The following ADARB2 variants were observed in gnomAD, a reference collection of about 807,000 sequenced individuals.
ADARB2 encodes adenosine deaminase RNA specific B2 (inactive), also known as inactive double-stranded RNA-specific editase B2.
Under a neutral mutation model 62.2 loss-of-function variants are expected in ADARB2, and 25 were observed. The observed-to-expected ratio is 0.40, with a 90% CI of 0.29 to 0.56. The LOEUF (loss-of-function observed/expected upper bound fraction) is 0.56. Among genes scored for constraint, ADARB2 ranks in the 20% least tolerant of loss-of-function variants. ADARB2 has a pLI of 0.43. For synonymous variants in ADARB2, 572 were observed against 500.8 expected (o/e 1.14, Z -1.90); for missense variants, 1,071 against 1,077.4 (o/e 0.99, Z 0.08).
chr10:1,267,442 G>C (rs192502570), intron 4 of ADARB2, among the ~76,000 whole-genome samples: 2 of 152,200 alleles, frequency 1.3e-5, no homozygotes, highest in Admixed American at 1.3e-4. Context: ...CAATGATTCC[G>C]GAGATGGTGT....
intron 7 of ADARB2, among the ~76,000 whole-genome samples, chr10:1,206,333 C>CT (rs1564219976): frequency 6.6e-6 from 1 of 152,138 alleles, no homozygotes; most frequent in East Asian, 1.9e-4. Flanking sequence ...GGACATGCGG[C>CT]GTCTCCTCCT....
At chr10:1,653,577 A>AGAGCCACAGTCTCCACCCAACGCCTTC (rs1564359194) in intron 1 of ADARB2, among the ~76,000 whole-genome samples, 2 of 144,774 alleles carry the variant, frequency 1.4e-5, no homozygotes, top group African/African-American at 2.6e-5. Context: ...CCCACGCCTC[A>AGAGCCACAGTCTCCACCCAACGCCTTC]TGTGCCTGCA....
chr10:1,693,554 C>A (rs924978732), intron 1 of ADARB2, among the ~76,000 whole-genome samples: 3 of 152,176 alleles, frequency 2.0e-5, no homozygotes, highest in Middle Eastern at 3.2e-3. Context: ...TTCAAAACGA[C>A]CTGTGATATT....
chr10:1,378,984 C>G (rs1832458434), intron 2 of ADARB2, 90 bp downstream of exon 2: 3 of 1,096,486 alleles, frequency 2.7e-6, no homozygotes, highest in Non-Finnish European at 4.2e-6. Flanking sequence ...CCAGATGACC[C>G]CAGGTATCTC....
chr10:1,317,423 A>C (rs1348491137), intron 3 of ADARB2, among the ~76,000 whole-genome samples: 1 of 152,094 alleles, frequency 6.6e-6, no homozygotes, highest in Non-Finnish European at 1.5e-5. Context: ...TGTTGTACGG[A>C]TTTTTCTAGA....
chr10:1,303,642 C>T (rs1461517937), intron 3 of ADARB2, among the ~76,000 whole-genome samples: 2 of 151,956 alleles, frequency 1.3e-5, no homozygotes, highest in East Asian at 1.9e-4. Context: ...GGTCGGGTTA[C>T]CCTCAAAGGG....
chr10:1,511,113 G>A (rs1382368769), intron 1 of ADARB2, among the ~76,000 whole-genome samples: 1 of 152,122 alleles, frequency 6.6e-6, no homozygotes, highest in Non-Finnish European at 1.5e-5. Flanking sequence ...TAAAATGCTG[G>A]GATTACAGAT....
intron 1 of ADARB2, among the ~76,000 whole-genome samples, chr10:1,474,991 A>G (rs75471900): frequency 3.0e-4 from 45 of 152,252 alleles, no homozygotes; most frequent in Non-Finnish European, 5.3e-4. Flanking sequence ...AATCTATTGC[A>G]CAGTGGGTGG....
At chr10:1,701,796 C>T (rs1436775753) in intron 1 of ADARB2, among the ~76,000 whole-genome samples, 4 of 142,304 alleles carry the variant, frequency 2.8e-5, no homozygotes, top group Admixed American at 1.4e-4. Context: ...ACCGGGAGAC[C>T]GGGCACTCGC....
chr10:1,557,544 C>T (rs1238452609), intron 1 of ADARB2, among the ~76,000 whole-genome samples: 1 of 152,180 alleles, frequency 6.6e-6, no homozygotes, highest in African/African-American at 2.4e-5. Context: ...CCAGGCTCAA[C>T]AAAGCCTCCA....
At chr10:1,441,470 T>A (rs984184240) in intron 1 of ADARB2, among the ~76,000 whole-genome samples, 2 of 152,252 alleles carry the variant, frequency 1.3e-5, no homozygotes, top group Non-Finnish European at 2.9e-5. Context: ...ATATGATTAT[T>A]TGTTTTGGAA....
chr10:1,282,121 A>G (rs1831376154), intron 3 of ADARB2, among the ~76,000 whole-genome samples: 2 of 152,076 alleles, frequency 1.3e-5, no homozygotes, highest in South Asian at 4.2e-4. Flanking sequence ...TGAGTAATTA[A>G]TCTCTTTCTC....
At chr10:1,389,170 C>T (rs1832548403) in intron 1 of ADARB2, among the ~76,000 whole-genome samples, 1 of 152,044 alleles carries the variant, frequency 6.6e-6, no homozygotes, top group Admixed American at 6.6e-5. Flanking sequence ...AATGAAAAAG[C>T]TAAAACTATA....
At chr10:1,533,693 G>C (rs1028772755) in intron 1 of ADARB2, among the ~76,000 whole-genome samples, 1 of 152,194 alleles carries the variant, frequency 6.6e-6, no homozygotes, top group South Asian at 2.1e-4. Context: ...ATGTTCCAAA[G>C]AGCACCACAG....
chr10:1,435,612 C>G (rs988907750), intron 1 of ADARB2, among the ~76,000 whole-genome samples: 1 of 149,018 alleles, frequency 6.7e-6, no homozygotes, highest in Non-Finnish European at 1.5e-5. Context: ...CCTGCCAGGC[C>G]CCTCTCTCTC....
chr10:1,586,691 A>G (rs967110424), intron 1 of ADARB2, among the ~76,000 whole-genome samples: 2 of 152,204 alleles, frequency 1.3e-5, no homozygotes, highest in African/African-American at 4.8e-5. Flanking sequence ...TCCTTCCTAC[A>G]CAGAGAATAG....
At chr10:1,320,491 A>T (rs1447893539) in intron 3 of ADARB2, among the ~76,000 whole-genome samples, 1 of 152,214 alleles carries the variant, frequency 6.6e-6, no homozygotes, top group East Asian at 1.9e-4. Flanking sequence ...GTCTTAGGGT[A>T]TCTCCTTGGT....
chr10:1,477,821 T>C lies in ADARB2; in HGVS notation c.101-98661A>G, dbSNP rs145522987. On this transcript the variant is annotated intron_variant, in intron 1 of 9. Transcript: ENST00000381312. This position sits in a 1 kb window ranked among gnomAD's most constrained non-coding sequence, Gnocchi z 4.5. ...ACTTGGGACTTCTGTGGGCCACACA[T>C]GTCTTTAACAATCCTGTGGCGGGCA... 5.0e-4 allele frequency among the ~76,000 whole-genome samples: 76 copies of C among 152,346 alleles called. No homozygotes were observed. Among genetic ancestry groups the C allele is most frequent in the African/African-American group, 1.6e-3 (68 of 41,576 alleles).
intron 6 of ADARB2, among the ~76,000 whole-genome samples, chr10:1,222,540 T>G (rs2131759918): frequency 6.7e-6 from 1 of 149,970 alleles, no homozygotes; most frequent in East Asian, 1.9e-4. Context: ...AGGGTTTTTA[T>G]GGTTTTAGGT....
Sources: allele counts gnomAD v4.1 joint callset (sites outside exome capture counted in the v4.1 genomes callset), GRCh38; gene constraint gnomAD v4.1.1; non-coding constraint Gnocchi (gnomAD v3.1); transcripts MANE v1.5; gene names NCBI Gene and HGNC (gene_info 2026-07-23, HGNC 2026-07-21).